Variants in RFX3 observed in about 807,000 individuals in gnomAD.
The protein encoded by RFX3 is transcription factor RFX3.
A neutral mutation model predicts 98.6 loss-of-function variants in RFX3; 14 were observed. That is an observed-to-expected ratio of 0.14 (90% CI 0.09 to 0.22). RFX3 has a LOEUF of 0.22. RFX3 is among the 10% of genes least tolerant of loss of function. The pLI, the probability that RFX3 is intolerant of heterozygous loss-of-function variation, is 1.00. For synonymous variants in RFX3, 383 were observed against 328.4 expected (o/e 1.17, Z -1.80); for missense variants, 639 against 926.9 (o/e 0.69, Z 4.03).
intron 5 of RFX3, among the ~76,000 whole-genome samples, chr9:3,295,873 T>TA (rs1289698718): frequency 6.6e-6 from 1 of 151,856 alleles, no homozygotes; most frequent in East Asian, 1.9e-4. Flanking sequence ...ATACAAATAA[T>TA]AAAAACAGAT....
chr9:3,489,878 T>C (rs1477837352), intron 1 of RFX3, among the ~76,000 whole-genome samples: 1 of 152,148 alleles, frequency 6.6e-6, no homozygotes, highest in African/African-American at 2.4e-5. Context: ...TAAAACTCTG[T>C]GTGGCAGTTA....
intron 1 of RFX3, among the ~76,000 whole-genome samples, chr9:3,410,024 C>T (rs1842318323): frequency 1.3e-5 from 2 of 152,116 alleles, no homozygotes; most frequent in African/African-American, 4.8e-5. Flanking sequence ...GTGCTTACTA[C>T]ACAAGGAAAG....
chr9:3,323,239 T>G lies in RFX3; in HGVS notation c.474+7020A>C, dbSNP rs146709768. On this transcript the variant is annotated intron_variant, in intron 4 of 16. Coordinates refer to ENST00000617270, the MANE Select transcript of RFX3 (RefSeq NM_001282116.2). ...ATGGAGAAATTCTTTCTCAGAGAAC[T>G]GACAATTGGTCATAGGCACTGTGTC... Among the ~76,000 whole-genome samples, 17 of 152,292 alleles carry G rather than the reference T, an allele frequency of 1.1e-4. No homozygotes were observed. The East Asian group carries it at 3.3e-3, about 29-fold the overall frequency.
chr9:3,330,128 C>G, intron 4 of RFX3, 131 bp downstream of exon 4: 1 of 901,232 alleles, frequency 1.1e-6, no homozygotes, highest in East Asian at 2.6e-5. Context: ...TCTGCAAACT[C>G]TCAATACTAA....
Position 3,383,038 on chromosome 9 carries a change from A to G in RFX3, c.117+12434T>C, listed in dbSNP as rs147079038. On this transcript the variant is annotated intron_variant, in intron 2 of 16. Transcript: ENST00000617270. Reference sequence around the variant, plus strand: ...TCAGATTGGCAAAGTTATTTATTTTAAAATGTTCTTCTTTTAATACAACTT... The same window carrying G: ...TCAGATTGGCAAAGTTATTTATTTTGAAATGTTCTTCTTTTAATACAACTT... 1.7e-3 allele frequency among the ~76,000 whole-genome samples: 261 copies of G among 152,262 alleles called. 1 individual carries two copies. The highest frequency in any genetic ancestry group is 2.8e-3 in the Non-Finnish European group (187 of 67,994).
intron 1 of RFX3, among the ~76,000 whole-genome samples, chr9:3,486,305 C>A (rs1163997409): frequency 1.3e-5 from 2 of 152,010 alleles, no homozygotes; most frequent in East Asian, 3.8e-4. Flanking sequence ...TAAAAATCAC[C>A]CTTTCTAAAA....
At chr9:3,242,491 G>T (rs1820086161) in intron 15 of RFX3, among the ~76,000 whole-genome samples, 1 of 151,818 alleles carries the variant, frequency 6.6e-6, no homozygotes, top group African/African-American at 2.4e-5. Flanking sequence ...TTGTTCAACA[G>T]GCACATTTAA....
intron 2 of RFX3, among the ~76,000 whole-genome samples, chr9:3,389,731 G>C (rs1378835014): frequency 6.6e-6 from 1 of 151,862 alleles, no homozygotes; most frequent in Non-Finnish European, 1.5e-5. Context: ...ATGTGTATAA[G>C]GTATATATAA....
At chr9:3,266,765 C>G (rs1823694082) in intron 11 of RFX3, among the ~76,000 whole-genome samples, 3 of 152,006 alleles carry the variant, frequency 2.0e-5, no homozygotes, top group Admixed American at 1.3e-4. Context: ...CTCTGTTTCT[C>G]TATGCATCTA....
intron 1 of RFX3, among the ~76,000 whole-genome samples, chr9:3,491,158 C>G (rs1031574165): frequency 6.6e-6 from 1 of 152,178 alleles, no homozygotes; most frequent in East Asian, 1.9e-4. Context: ...ACAAAGCAAA[C>G]AGGCACAGCT....
At chr9:3,289,812 T>A (rs1214157733) in intron 6 of RFX3, among the ~76,000 whole-genome samples, 2 of 152,040 alleles carry the variant, frequency 1.3e-5, no homozygotes. Flanking sequence ...TTTAAAACAG[T>A]GATTTGATTT....
intron 15 of RFX3, among the ~76,000 whole-genome samples, chr9:3,238,960 C>A (rs192652219): frequency 6.6e-6 from 1 of 151,066 alleles, no homozygotes; most frequent in East Asian, 2.0e-4. Flanking sequence ...ATCACCATTG[C>A]ACTCCAGCCT....
chr9:3,386,821 C>G (rs1432867372), intron 2 of RFX3, among the ~76,000 whole-genome samples: 1 of 152,010 alleles, frequency 6.6e-6, no homozygotes, highest in Non-Finnish European at 1.5e-5. Flanking sequence ...GTACATATGT[C>G]TCTTATCAGG....
chr9:3,340,463 G>C (rs1027428081), intron 3 of RFX3, among the ~76,000 whole-genome samples: 17 of 152,150 alleles, frequency 1.1e-4, no homozygotes, highest in Admixed American at 1.3e-4. Flanking sequence ...AGAGTGAACA[G>C]ACAACCTACA....
intron 2 of RFX3, among the ~76,000 whole-genome samples, chr9:3,369,947 G>A (rs949815503): frequency 2.6e-5 from 4 of 151,072 alleles, no homozygotes; most frequent in Non-Finnish European, 5.9e-5. Flanking sequence ...TCCTGCCTCA[G>A]CCTCCCGAGT....
chr9:3,369,809 A>G (rs1324524968), intron 2 of RFX3, among the ~76,000 whole-genome samples: 2 of 152,080 alleles, frequency 1.3e-5, no homozygotes, highest in Non-Finnish European at 2.9e-5. Flanking sequence ...TTTACAGAGC[A>G]GTTGTTTTTT....
At chr9:3,424,348 CTTTTT>C (rs748693786) in intron 1 of RFX3, among the ~76,000 whole-genome samples, 59 of 75,970 alleles carry the variant, frequency 7.8e-4, no homozygotes, top group African/African-American at 2.3e-3. Context: ...ACATAATTGA[CTTTTT>C]TTTTTTTTTT....
At chr9:3,376,797 A>G (rs1838565949) in intron 2 of RFX3, among the ~76,000 whole-genome samples, 1 of 152,208 alleles carries the variant, frequency 6.6e-6, no homozygotes. Flanking sequence ...ATGAACAGAC[A>G]CTTCTCAAAA....
chr9:3,374,163 G>A (rs1446170198), intron 2 of RFX3, among the ~76,000 whole-genome samples: 1 of 152,054 alleles, frequency 6.6e-6, no homozygotes, highest in Non-Finnish European at 1.5e-5. Flanking sequence ...TTACTGTCAA[G>A]AAAAGAGAAA....
Sources: gnomAD v4.1 joint callset for allele counts (sites outside exome capture counted in the v4.1 genomes callset) on GRCh38, gnomAD v4.1.1 for gene constraint, MANE v1.5 for transcripts, NCBI Gene and HGNC (gene_info 2026-07-23, HGNC 2026-07-21) for gene names.